The following PPIP5K2 variants were observed in gnomAD, a reference collection of about 807,000 sequenced individuals.
PPIP5K2 encodes the protein diphosphoinositol pentakisphosphate kinase 2.
In PPIP5K2, 105 loss-of-function variants were observed where a neutral mutation model predicts 154.6. The observed-to-expected ratio is 0.68, with a 90% CI of 0.58 to 0.80. The LOEUF (loss-of-function observed/expected upper bound fraction) is 0.80. Ranked by LOEUF, PPIP5K2 falls within the 30% of genes least tolerant of loss-of-function variation. PPIP5K2 has a pLI of 0.00. For synonymous variants in PPIP5K2, 480 were observed against 490.3 expected (o/e 0.98, Z 0.28); for missense variants, 992 against 1,504.6 (o/e 0.66, Z 5.64).
At chr5:103,167,361 A>T (rs782738363) in intron 18 of PPIP5K2, 41 bp downstream of exon 18, 2 of 1,450,266 alleles carry the variant, frequency 1.4e-6, no homozygotes, top group South Asian at 3.0e-5. Flanking sequence ...AATAAAAGTT[A>T]CTATTCAATT....
intron 2 of PPIP5K2, among the ~76,000 whole-genome samples, chr5:103,131,732 A>T (rs1583205977): frequency 6.6e-6 from 1 of 152,272 alleles, no homozygotes; most frequent in East Asian, 1.9e-4. Flanking sequence ...TTAAGACTTC[A>T]AAGATGTGAC....
intron 27 of PPIP5K2, among the ~76,000 whole-genome samples, chr5:103,187,097 TG>T (rs1314322737): frequency 1.3e-5 from 2 of 152,308 alleles, no homozygotes; most frequent in Admixed American, 6.5e-5. Flanking sequence ...CAGCTCATCT[TG>T]CTTTTCTTTC....
chr5:103,153,217 G>A (rs1554211899), intron 10 of PPIP5K2, among the ~76,000 whole-genome samples: 1 of 151,458 alleles, frequency 6.6e-6, no homozygotes, highest in Non-Finnish European at 1.5e-5. Context: ...ATGATGGGGG[G>A]AACTAATTTT....
Position 103,209,931 on chromosome 5 carries a change from T to G in PPIP5K2, c.*8297T>G, listed in dbSNP as rs17155154. ...TTTTCATGCCACATAGATATGCTGATTTGTCCAACAATGCCTGTACTCAAA... is the reference window on the plus strand; with the variant it reads ...TTTTCATGCCACATAGATATGCTGAGTTGTCCAACAATGCCTGTACTCAAA... On this transcript the variant is annotated 3_prime_UTR_variant, in exon 31 of 31. Coordinates refer to ENST00000358359, the MANE Select transcript of PPIP5K2 (RefSeq NM_001276277.3). The G allele has an allele frequency of 0.025, 3,752 of 152,184 alleles. 160 individuals carry two copies. Among genetic ancestry groups the G allele is most frequent in the African/African-American group, 0.085 (3,548 of 41,528 alleles). 9.4% of individuals were successfully genotyped at this position (152,184 alleles called of 1,614,324 possible). A position where few individuals can be genotyped will look rare whatever the true frequency, so the allele number is the denominator to read the frequency against.
intron 10 of PPIP5K2, 87 bp downstream of exon 10, chr5:103,152,836 T>A: frequency 1.2e-6 from 1 of 838,326 alleles, no homozygotes; most frequent in South Asian, 1.7e-5. Context: ...GAATGATGAT[T>A]AGACACTTTA....
At chr5:103,138,010 A>T (rs1479216400) in intron 4 of PPIP5K2, among the ~76,000 whole-genome samples, 1 of 152,170 alleles carries the variant, frequency 6.6e-6, no homozygotes, top group Non-Finnish European at 1.5e-5. Context: ...TATGCTGTGA[A>T]CATTTCTCCA....
intron 5 of PPIP5K2, among the ~76,000 whole-genome samples, chr5:103,141,432 G>A (rs1792632319): frequency 6.6e-6 from 1 of 151,966 alleles, no homozygotes; most frequent in Non-Finnish European, 1.5e-5. Context: ...GGTCTTGCTG[G>A]GCTCAGGTGT....
In PPIP5K2 at chr5:103,200,971, A is replaced by G. The variant is rs535017877; in HGVS notation, c.3620-551A>G. On this transcript the variant is annotated intron_variant, in intron 30 of 30. Transcript: ENST00000358359. Reference sequence around the variant, plus strand: ...TTTTTTGATAATTCATGAAGACTTCATGTTGGTTTAGACACAGAAGGATGA... The same window carrying G: ...TTTTTTGATAATTCATGAAGACTTCGTGTTGGTTTAGACACAGAAGGATGA... 3.9e-5 allele frequency among the ~76,000 whole-genome samples: 6 copies of G among 152,128 alleles called. No individual in the cohort carries two copies. The South Asian group carries it at 6.2e-4, about 16-fold the overall frequency.
intron 17 of PPIP5K2, among the ~76,000 whole-genome samples, chr5:103,165,828 A>G (rs371025708): frequency 1.3e-5 from 2 of 152,146 alleles, no homozygotes; most frequent in East Asian, 1.9e-4. Flanking sequence ...GAAGAAGACC[A>G]ATAATTAACA....
chr5:103,169,655 T>C (rs1307989297), intron 19 of PPIP5K2, among the ~76,000 whole-genome samples: 2 of 151,916 alleles, frequency 1.3e-5, no homozygotes, highest in East Asian at 3.9e-4. Context: ...AAAAATTATT[T>C]TTAGAAGAGT....
At chr5:103,127,945 T>G (rs1039184485) in intron 1 of PPIP5K2, among the ~76,000 whole-genome samples, 1 of 148,522 alleles carries the variant, frequency 6.7e-6, no homozygotes, top group Admixed American at 6.7e-5. Flanking sequence ...GTTGTTGTTG[T>G]TTTTTTTTTC....
rs1470015217 is a variant in PPIP5K2 at position 103,201,836 on chromosome 5, T to C, written c.*202T>C. On this transcript the variant is annotated 3_prime_UTR_variant, in exon 31 of 31. Coordinates refer to ENST00000358359, the MANE Select transcript of PPIP5K2 (RefSeq NM_001276277.3). ...ATTCTGTGAGCAGCAAAACTTATAG[T>C]GATAAAAATCGATTGTTGTTAATAT... The C allele has an allele frequency of 1.6e-5, 8 of 514,418 alleles. No homozygotes were observed. Among genetic ancestry groups the C allele is most frequent in the Non-Finnish European group, 2.8e-5 (8 of 287,444 alleles). The allele number at this position is 514,418 out of a possible 1,614,324, so 31.9% of individuals were successfully genotyped here.
rs1236478295 is a variant in PPIP5K2, at chr5:103,155,997, A to G, written c.1489+3A>G. 4 of 1,553,994 alleles carry G rather than the reference A, an allele frequency of 2.6e-6. No homozygotes were observed. Among genetic ancestry groups the G allele is most frequent in the African/African-American group, 2.7e-5 (2 of 73,522 alleles). ...TAAAACATCTAGTGAAGAGGAGGGT[A>G]TGTTATTCTTAATGCTTATACAGTA... On this transcript the variant is annotated splice_donor_region_variant and intron_variant, in intron 14 of 30. Transcript: ENST00000358359.
intron 19 of PPIP5K2, among the ~76,000 whole-genome samples, chr5:103,169,343 G>A (rs906009261): frequency 1.3e-5 from 2 of 151,110 alleles, no homozygotes; most frequent in African/African-American, 4.9e-5. Flanking sequence ...TTTGAAAGCA[G>A]GAAAATATTA....
chr5:103,195,075 A>G, intron 30 of PPIP5K2, 50 bp downstream of exon 30: 1 of 1,586,250 alleles, frequency 6.3e-7, no homozygotes, highest in Non-Finnish European at 8.6e-7. Flanking sequence ...AATTAGAGGA[A>G]TAGTAACTTG....
chr5:103,173,322 AT>A, intron 20 of PPIP5K2, 40 bp downstream of exon 20: 9 of 1,577,562 alleles, frequency 5.7e-6, no homozygotes, highest in Non-Finnish European at 7.7e-6. Context: ...CTAGGCATCT[AT>A]TTTTGCATAC....
chr5:103,184,803 C>A lies in PPIP5K2; in HGVS notation c.3169+59C>A, dbSNP rs79269077. Reference sequence around the variant, plus strand: ...CTTCTTAAACTCACTATTGTGCACACATGTAAAACTCTTTGGTGAAAGCAT... The same window carrying A: ...CTTCTTAAACTCACTATTGTGCACAAATGTAAAACTCTTTGGTGAAAGCAT... On this transcript the variant is annotated intron_variant, in intron 26 of 30. Transcript: ENST00000358359. 3.8e-4 allele frequency: 502 copies of A among 1,320,642 alleles called. 1 individual carries two copies. In the African/African-American group the frequency reaches 6.5e-3, roughly 17 times the overall value. 81.8% of individuals were successfully genotyped at this position (1,320,642 alleles called of 1,614,324 possible).
chr5:103,172,848 G>A (rs879968446), intron 19 of PPIP5K2, among the ~76,000 whole-genome samples: 2 of 151,064 alleles, frequency 1.3e-5, no homozygotes, highest in Non-Finnish European at 1.5e-5. Context: ...TTTCTTTTAG[G>A]GTTGTTTTTA....
chr5:103,165,853 C>T (rs1307662878), intron 17 of PPIP5K2, among the ~76,000 whole-genome samples: 1 of 152,082 alleles, frequency 6.6e-6, no homozygotes, highest in Non-Finnish European at 1.5e-5. Flanking sequence ...AAACAATAGC[C>T]AGTACCATAG....
Sources: allele counts gnomAD v4.1 joint callset (sites outside exome capture counted in the v4.1 genomes callset), GRCh38; gene constraint gnomAD v4.1.1; transcripts MANE v1.5; gene names NCBI Gene and HGNC (gene_info 2026-07-23, HGNC 2026-07-21).